The following ATG16L2 variants were observed in gnomAD, a reference collection of about 807,000 sequenced individuals.
ATG16L2 encodes the protein protein Atg16l2.
A neutral mutation model predicts 84.7 loss-of-function variants in ATG16L2; 77 were observed. The ratio of observed to expected loss-of-function variants is 0.91; its 90% CI spans 0.76 to 1.10. The LOEUF (loss-of-function observed/expected upper bound fraction) is 1.10, where lower values mean the gene tolerates loss of function less well. Among genes scored for constraint, ATG16L2 ranks in the 50% least tolerant of loss-of-function variants. The probability of loss-of-function intolerance (pLI) is 0.00; values close to 1 mark genes in which losing one functional copy is unlikely to be tolerated. For missense variants in ATG16L2, 782 were observed against 817.6 expected (o/e 0.96, Z 0.53); for synonymous variants, 361 against 342.8 (o/e 1.05, Z -0.59).
At chr11:72,833,932 ATTTT>A (rs34732465), downstream of ATG16L2, among the ~76,000 whole-genome samples, 1 of 146,812 alleles carries the variant, frequency 6.8e-6, no homozygotes, top group African/African-American at 2.5e-5. Flanking sequence ...AAAAAAAAAA[ATTTT>A]TTTTTTTTTC....
In ATG16L2 at chr11:72,822,944, G is replaced by T. The variant is rs753093468; in HGVS notation, c.807G>T (p.Lys269Asn). 3 of 1,570,700 alleles carry T rather than the reference G, an allele frequency of 1.9e-6. No individual in the cohort carries two copies. Among genetic ancestry groups the T allele is most frequent in the Non-Finnish European group, 2.6e-6 (3 of 1,157,156 alleles). Reference protein sequence around the residue: ...PEPLEKEACEKWKRPFRSASA... With the variant: ...PEPLEKEACENWKRPFRSASA... ...CCCTGGAGAAGGAAGCTTGTGAGAA[G>T]TGGAAGAGGCCCTTCAGGTGAGGAC... Residue 269 changes from lysine to asparagine, a missense_variant, in exon 7 of 18, where the codon AAG becomes AAT. Coordinates refer to ENST00000321297, the MANE Select transcript of ATG16L2 (RefSeq NM_033388.2). This position sits in a 1 kb window ranked among gnomAD's most constrained non-coding sequence, Gnocchi z 4.2.
rs777175160 is a variant in ATG16L2, at chr11:72,822,151, A to C, written c.500A>C (p.Tyr167Ser). The change falls in exon 5 of 18, where the codon TAC becomes TCC. Residue 167 changes from tyrosine (Y) to serine (S), a missense_variant. Coordinates refer to ENST00000321297, the MANE Select transcript of ATG16L2 (RefSeq NM_033388.2). This position sits in a 1 kb window ranked among gnomAD's most constrained non-coding sequence, Gnocchi z 4.2. ...RAQNAVQRAA[Y>S]EALRAHVGLR... is the part of the protein sequence containing the mutation. ...CAGAATGCGGTGCAGCGGGCAGCCTACGAGGCGCTGCGCGCGCACGTCGGG... is the reference window on the plus strand; with the variant it reads ...CAGAATGCGGTGCAGCGGGCAGCCTCCGAGGCGCTGCGCGCGCACGTCGGG... 49 of 1,492,790 alleles carry C rather than the reference A, an allele frequency of 3.3e-5. 1 individual carries two copies. The South Asian group carries it at 5.9e-4, about 18-fold the overall frequency. The allele number at this position is 1,492,790 out of a possible 1,614,324, so 92.5% of individuals were successfully genotyped here.
chr11:72,829,684 G>C, downstream of ATG16L2: 1 of 1,104,268 alleles, frequency 9.1e-7, no homozygotes, highest in Non-Finnish European at 1.1e-6. Context: ...AGACCTTTGG[G>C]CTAGTGGGCT....
intron 7 of ATG16L2, 46 bp from the exon 8 acceptor site, chr11:72,824,014 A>G: frequency 6.2e-7 from 1 of 1,606,912 alleles, no homozygotes; most frequent in Non-Finnish European, 8.5e-7. Context: ...CCATTTGTAC[A>G]CACACCAGCC....
chr11:72,827,991 T>C (rs1298931094), intron 14 of ATG16L2, among the ~76,000 whole-genome samples: 1 of 152,208 alleles, frequency 6.6e-6, no homozygotes, highest in Non-Finnish European at 1.5e-5. Flanking sequence ...CTAGAGCCAG[T>C]GCTAGGCCTG....
chr11:72,831,318 G>A (rs1047385863), downstream of ATG16L2, among the ~76,000 whole-genome samples: 3 of 152,192 alleles, frequency 2.0e-5, no homozygotes, highest in Non-Finnish European at 4.4e-5. Context: ...ACCAACCTGA[G>A]CAACATAGTG....
At chr11:72,819,324 A>G (rs1859850193) in intron 3 of ATG16L2, among the ~76,000 whole-genome samples, 1 of 152,166 alleles carries the variant, frequency 6.6e-6, no homozygotes. Flanking sequence ...ACATAGTACA[A>G]GTAACTTTCA....
chr11:72,842,563 CT>C, intron 5 of ATG16L2: 1 of 1,605,596 alleles, frequency 6.2e-7, no homozygotes, highest in Non-Finnish European at 8.5e-7. Context: ...TCCACAGACC[CT>C]TTGGGAGCAA....
chr11:72,835,092 T>C lies in ATG16L2; in HGVS notation c.*21+6316T>C, dbSNP rs576011832. On this transcript the variant is annotated intron_variant, in intron 5 of 5. Transcript: ENST00000534905. ...TTGCATCATGCATCAAGTCAGTTCC[T>C]GTGATGAAGGAGACCAAAATTTAGC... is the stretch of plus-strand genomic sequence containing the variant. 1.8e-4 allele frequency among the ~76,000 whole-genome samples: 27 copies of C among 152,326 alleles called. 1 individual carries two copies. The South Asian group carries it at 5.6e-3, about 32-fold the overall frequency.
intron 1 of ATG16L2, 68 bp from the exon 2 acceptor site, chr11:72,816,660 T>G: frequency 7.6e-7 from 1 of 1,313,494 alleles, no homozygotes; most frequent in Non-Finnish European, 1.1e-6. Context: ...TAGCCGGAGA[T>G]AAATTGCATG....
chr11:72,821,848 T>G (rs1860012970), intron 4 of ATG16L2, 107 bp downstream of exon 4: 5 of 1,454,590 alleles, frequency 3.4e-6, no homozygotes, highest in Non-Finnish European at 4.6e-6. Context: ...TTTCCCTACG[T>G]CCCCCCGACC....
chr11:72,816,874 GCCCTGC>G, intron 2 of ATG16L2, 47 bp downstream of exon 2: 2 of 1,501,774 alleles, frequency 1.3e-6, no homozygotes, highest in Non-Finnish European at 1.8e-6. Context: ...CTGTGCTGGG[GCCCTGC>G]CCCTGCTGCC....
At chr11:72,823,981 CAA>C (rs1860174999) in intron 7 of ATG16L2, 77 bp from the exon 8 acceptor site, 8 of 1,524,956 alleles carry the variant, frequency 5.2e-6, no homozygotes, top group African/African-American at 1.4e-5. Context: ...AGGTCTCTGG[CAA>C]AGTGTGGAGA....
Position 72,820,849 on chromosome 11 carries a change from A to C in ATG16L2, c.319-819A>C, listed in dbSNP as rs193016268. On this transcript the variant is annotated intron_variant, in intron 3 of 17. Coordinates refer to ENST00000321297, the MANE Select transcript of ATG16L2 (RefSeq NM_033388.2). ...ACCGACCCTGCTTGGCTCTGGGTTG[A>C]AGGCATGACGAGTGAGGCGGGAGTG... Among the ~76,000 whole-genome samples, 150 of 152,060 alleles carry C rather than the reference A, an allele frequency of 9.9e-4. 1 individual carries two copies. The highest frequency in any genetic ancestry group is 4.2e-3 in the South Asian group (20 of 4,792).
At chr11:72,823,741 C>A (rs1439580584) in intron 7 of ATG16L2, 2 of 498,084 alleles carry the variant, frequency 4.0e-6, no homozygotes, top group East Asian at 1.1e-4. Flanking sequence ...CCTGGGGGAA[C>A]CTTCAGCGTC....
At chr11:72,838,721 TA>T in intron 5 of ATG16L2, 1 of 1,364,304 alleles carries the variant, frequency 7.3e-7, no homozygotes, top group Non-Finnish European at 1.0e-6. Context: ...CAAAGGTGCC[TA>T]AAAAACAAGA....
intron 5 of ATG16L2, chr11:72,838,297 C>A (rs1290188576): frequency 6.5e-6 from 1 of 154,264 alleles, no homozygotes; most frequent in Non-Finnish European, 1.4e-5. Context: ...TGGGGAGGAG[C>A]CAGCCTCTCC....
chr11:72,835,752 T>G (rs574209789), intron 5 of ATG16L2, among the ~76,000 whole-genome samples: 6 of 152,038 alleles, frequency 3.9e-5, no homozygotes, highest in Admixed American at 3.9e-4. Flanking sequence ...AACATATTTT[T>G]TTTTTTTTTT....
chr11:72,827,410 G>T, intron 14 of ATG16L2, 117 bp downstream of exon 14: 1 of 809,182 alleles, frequency 1.2e-6, no homozygotes, highest in Non-Finnish European at 2.0e-6. Context: ...GGCAGGCAAG[G>T]CTGTGGGGCT....
Sources: allele counts gnomAD v4.1 joint callset (sites outside exome capture counted in the v4.1 genomes callset), GRCh38; gene constraint gnomAD v4.1.1; non-coding constraint Gnocchi (gnomAD v3.1); transcripts MANE v1.5; gene names NCBI Gene and HGNC (gene_info 2026-07-23, HGNC 2026-07-21).